DOCK3: variants seen among roughly 807,000 people sequenced by gnomAD.
The protein encoded by DOCK3 is dedicator of cytokinesis protein 3.
DOCK3 carries 60 observed loss-of-function variants against 265.6 expected under a neutral mutation model. The ratio of observed to expected loss-of-function variants is 0.23; its 90% CI spans 0.18 to 0.28. The LOEUF is 0.28. Ranked by LOEUF, DOCK3 falls within the 10% of genes least tolerant of loss-of-function variation. DOCK3 has a pLI of 1.00. For missense variants in DOCK3, 1,981 were observed against 2,594.3 expected (o/e 0.76, Z 5.14); for synonymous variants, 881 against 938.0 (o/e 0.94, Z 1.11).
At position 50,713,832 on chromosome 3, in the gene DOCK3, G is replaced by A. The variant is rs547472131; in HGVS notation, c.37+38532G>A. On this transcript the variant is annotated intron_variant, in intron 1 of 52. Transcript: ENST00000266037. ...ATTTTTGGCTCAATAAATGATGTTA[G>A]TCAGGTAAAGTTACAATTTTGCAAG... is the stretch of plus-strand genomic sequence containing the variant. 2.7e-3 allele frequency among the ~76,000 whole-genome samples: 417 copies of A among 152,126 alleles called. 6 individuals carry two copies. The highest frequency in any genetic ancestry group is 9.1e-3 in the African/African-American group (379 of 41,508).
chr3:50,942,106 G>A (rs2076312115), intron 5 of DOCK3, among the ~76,000 whole-genome samples: 2 of 152,016 alleles, frequency 1.3e-5, no homozygotes, highest in Non-Finnish European at 2.9e-5. Context: ...ATGAAGCTGG[G>A]TAAATGGTAT....
chr3:51,289,233 C>G (rs982026046), intron 27 of DOCK3, among the ~76,000 whole-genome samples: 2 of 152,054 alleles, frequency 1.3e-5, no homozygotes, highest in African/African-American at 4.8e-5. Flanking sequence ...TAAGTGGGAG[C>G]TGTACATGGA....
At chr3:51,212,431 G>GTTTTTTT (rs1198836971) in intron 13 of DOCK3, among the ~76,000 whole-genome samples, 2 of 112,266 alleles carry the variant, frequency 1.8e-5, no homozygotes, top group African/African-American at 3.2e-5. Flanking sequence ...TACACCCACT[G>GTTTTTTT]TTTTTTTTTT....
intron 5 of DOCK3, among the ~76,000 whole-genome samples, chr3:50,970,934 TATATATATATATA>T (rs2077202057): frequency 2.6e-5 from 2 of 76,298 alleles, no homozygotes; most frequent in Non-Finnish European, 5.1e-5. Flanking sequence ...TATATATATA[TATATATATATATA>T]ATGTGTGTGT....
intron 9 of DOCK3, among the ~76,000 whole-genome samples, chr3:51,119,189 G>T (rs556661575): frequency 6.6e-6 from 1 of 152,128 alleles, no homozygotes; most frequent in Admixed American, 6.6e-5. Flanking sequence ...ACATTTGCTT[G>T]TCTGTAAAGA....
intron 49 of DOCK3, among the ~76,000 whole-genome samples, chr3:51,363,455 T>G (rs2086884683): frequency 6.6e-6 from 1 of 152,208 alleles, no homozygotes. Flanking sequence ...TTCTTCTCAT[T>G]ATTATGAAAC....
chr3:51,111,666 CATG>C (rs2083524798), intron 9 of DOCK3, among the ~76,000 whole-genome samples: 1 of 152,090 alleles, frequency 6.6e-6, no homozygotes, highest in African/African-American at 2.4e-5. Flanking sequence ...GCAAAGATTT[CATG>C]ATGAAAACAC....
At chr3:51,277,932 C>A (rs2080902859) in intron 26 of DOCK3, 178 bp downstream of exon 26, 2 of 985,218 alleles carry the variant, frequency 2.0e-6, no homozygotes, top group South Asian at 9.4e-5. Flanking sequence ...TCTGAAAGCT[C>A]TAGGTTCACA....
intron 5 of DOCK3, among the ~76,000 whole-genome samples, chr3:50,999,095 G>T (rs2078383135): frequency 6.6e-6 from 1 of 152,126 alleles, no homozygotes; most frequent in Admixed American, 6.6e-5. Context: ...TGCTATCAGT[G>T]AAGCAAATAT....
intron 2 of DOCK3, chr3:50,787,657 C>A: frequency 7.6e-7 from 1 of 1,315,462 alleles, no homozygotes. Flanking sequence ...CCTGCAACCT[C>A]TTGTAGTTCT....
chr3:50,999,587 AT>A (rs1193940001), intron 5 of DOCK3, among the ~76,000 whole-genome samples: 1 of 152,100 alleles, frequency 6.6e-6, no homozygotes, highest in Non-Finnish European at 1.5e-5. Context: ...AGAAATTTAT[AT>A]TTCTGGTTAG....
chr3:51,275,203 T>C lies in DOCK3; in HGVS notation c.2673T>C (p.Ser891=). The C allele has an allele frequency of 1.2e-6, 2 of 1,613,936 alleles. No individual in the cohort carries two copies. Among genetic ancestry groups the C allele is most frequent in the Non-Finnish European group, 1.7e-6 (2 of 1,179,882 alleles). ...TCTTCTCCATCGTCAAGACCAGCTC[T>C]CTGGTAGTGGCCCCACACCCACTCC... ...GSIFSIVKTS[S]LEADVMEEVE... Residue 891 remains serine (S), a synonymous_variant, in exon 25 of 53, where the codon TCT becomes TCC. Coordinates refer to ENST00000266037, the MANE Select transcript of DOCK3 (RefSeq NM_004947.5).
intron 44 of DOCK3, among the ~76,000 whole-genome samples, chr3:51,357,398 G>A (rs1255091366): frequency 6.6e-6 from 1 of 152,140 alleles, no homozygotes; most frequent in Non-Finnish European, 1.5e-5. Context: ...AGGATGTTAA[G>A]TGCCCTCCAA....
intron 38 of DOCK3, 87 bp downstream of exon 38, chr3:51,341,472 A>AG: frequency 6.5e-7 from 1 of 1,549,204 alleles, no homozygotes; most frequent in Non-Finnish European, 8.8e-7. Context: ...CAGCAGCTGC[A>AG]GGGGGTAGTG....
At position 51,229,655 on chromosome 3, in the gene DOCK3, G is replaced by C; in HGVS notation, c.1917+46G>C. 4.2e-6 allele frequency: 6 copies of C among 1,421,926 alleles called. No homozygotes were observed. In the South Asian group the frequency reaches 9.2e-5, roughly 22 times the overall value. The allele number at this position is 1,421,926 out of a possible 1,614,324, so 88.1% of individuals were successfully genotyped here. A position where few individuals can be genotyped will look rare whatever the true frequency, so the allele number is the denominator to read the frequency against. On this transcript the variant is annotated intron_variant, in intron 19 of 52. Transcript: ENST00000266037. ...AAACATACTGCATGAGGAAGAATCT[G>C]GGCAGAAGACCTTACTTTGTCATGA...
At chr3:50,795,764 C>T (rs918459674) in intron 2 of DOCK3, among the ~76,000 whole-genome samples, 3 of 152,194 alleles carry the variant, frequency 2.0e-5, no homozygotes, top group East Asian at 1.9e-4. Context: ...ATTCTTTCCT[C>T]ACCTTGGTCT....
chr3:50,984,897 G>A (rs1371615097), intron 5 of DOCK3, among the ~76,000 whole-genome samples: 1 of 152,196 alleles, frequency 6.6e-6, no homozygotes, highest in East Asian at 1.9e-4. Context: ...ACCTAGAGAT[G>A]ATTGGAAGTA....
At chr3:50,691,143 GT>G (rs2035211811) in intron 1 of DOCK3, among the ~76,000 whole-genome samples, 1 of 151,870 alleles carries the variant, frequency 6.6e-6, no homozygotes, top group Admixed American at 6.6e-5. Context: ...AATTAGCCAG[GT>G]GTGGTGGCGG....
At chr3:50,992,991 A>C (rs978527660) in intron 5 of DOCK3, among the ~76,000 whole-genome samples, 6 of 152,212 alleles carry the variant, frequency 3.9e-5, no homozygotes, top group African/African-American at 9.6e-5. Flanking sequence ...CATTAAGTAC[A>C]TTGGGCATCA....
Sources: gnomAD v4.1 joint callset for allele counts (sites outside exome capture counted in the v4.1 genomes callset) on GRCh38, gnomAD v4.1.1 for gene constraint, MANE v1.5 for transcripts, NCBI Gene and HGNC (gene_info 2026-07-23, HGNC 2026-07-21) for gene names.